Variants in DNAH11 observed in about 807,000 individuals in gnomAD.
DNAH11 encodes the protein axonemal beta dynein heavy chain 11.
Under a neutral mutation model 526.0 loss-of-function variants are expected in DNAH11, and 442 were observed. That is an observed-to-expected ratio of 0.84 (90% confidence interval 0.78 to 0.91). The LOEUF is 0.91. Among genes scored for constraint, DNAH11 ranks in the 40% least tolerant of loss-of-function variants. The probability of loss-of-function intolerance (pLI) is 0.00; values close to 1 mark genes in which losing one functional copy is unlikely to be tolerated. For synonymous variants in DNAH11, 2,461 were observed against 1,935.9 expected (o/e 1.27, Z -7.12); for missense variants, 6,989 against 5,448.7 (o/e 1.28, Z -8.90).
At chr7:21,739,398 GT>G (rs1366546876) in intron 47 of DNAH11, among the ~76,000 whole-genome samples, 172 bp from the exon 48 acceptor site, 1 of 152,160 alleles carries the variant, frequency 6.6e-6, no homozygotes, top group African/African-American at 2.4e-5. Context: ...GTCAACTTCA[GT>G]TTTTTGAGCT....
intron 61 of DNAH11, among the ~76,000 whole-genome samples, chr7:21,796,592 A>G (rs188103465): frequency 7.9e-5 from 12 of 152,352 alleles, no homozygotes; most frequent in African/African-American, 2.2e-4. Flanking sequence ...AGAGATTGTT[A>G]TCATGGCGGC....
At chr7:21,693,915 C>T (rs1387395773) in intron 35 of DNAH11, among the ~76,000 whole-genome samples, 2 of 152,296 alleles carry the variant, frequency 1.3e-5, no homozygotes, top group Non-Finnish European at 2.9e-5. Flanking sequence ...TAAGGGGAAG[C>T]AAGCATGTCT....
At chr7:21,770,539 C>T (rs1422399723) in intron 55 of DNAH11, among the ~76,000 whole-genome samples, 2 of 152,198 alleles carry the variant, frequency 1.3e-5, no homozygotes, top group African/African-American at 4.8e-5. Flanking sequence ...CACCTCTCAT[C>T]ACCAGCCTCA....
At chr7:21,703,585 C>T (rs1194408950) in intron 37 of DNAH11, 1 of 152,090 alleles carries the variant, frequency 6.6e-6, no homozygotes, top group African/African-American at 2.4e-5. Flanking sequence ...ACTTTTAAAC[C>T]ATCGGATCTC....
At chr7:21,679,199 C>T (rs976828684) in intron 30 of DNAH11, among the ~76,000 whole-genome samples, 1 of 151,686 alleles carries the variant, frequency 6.6e-6, no homozygotes, top group Non-Finnish European at 1.5e-5. Flanking sequence ...AAAAGTCTAA[C>T]ACATAGTAAC....
chr7:21,588,086 T>A lies in DNAH11; in HGVS notation c.1733T>A (p.Phe578Tyr), dbSNP rs760013375. The stretch of plus-strand genomic sequence containing the variant: ...TAGCTTTTGACCATATTTGGAAATT[T>A]TCTAGAGAAGCCAGTTGTCATGGAA... ...AFKLLTIFGN[F>Y]LEKPVVMEIF... Residue 578 changes from phenylalanine to tyrosine, a missense_variant, in exon 10 of 82, where the codon TTT (phenylalanine) becomes TAT (tyrosine). Phe to Tyr is a conservative substitution (Grantham distance 22). Coordinates refer to ENST00000409508, the MANE Select transcript of DNAH11 (RefSeq NM_001277115.2). The A allele has an allele frequency of 6.2e-7, 1 of 1,613,204 alleles. No individual in the cohort carries two copies. Among genetic ancestry groups the A allele is most frequent in the East Asian group, 2.2e-5 (1 of 44,828 alleles).
intron 30 of DNAH11, among the ~76,000 whole-genome samples, chr7:21,664,097 C>G (rs1782336322): frequency 6.8e-6 from 1 of 147,140 alleles, no homozygotes; most frequent in Non-Finnish European, 1.5e-5. Context: ...CCCAATTCAT[C>G]AGTTTAATTT....
intron 54 of DNAH11, among the ~76,000 whole-genome samples, chr7:21,753,223 A>G (rs1562526802): frequency 6.6e-6 from 1 of 152,098 alleles, no homozygotes; most frequent in Non-Finnish European, 1.5e-5. Context: ...TGTTCCAGGC[A>G]GGGGGAAGGA....
At position 21,892,528 on chromosome 7, in the gene DNAH11, C is replaced by T. The variant is rs1047565702; in HGVS notation, c.12611C>T (p.Pro4204Leu). Residue 4204 changes from proline (P) to leucine (L), a missense_variant, in exon 77 of 82, where the codon CCG becomes CTG. Transcript: ENST00000409508. ...GAGGAGATGCTTCCTCCAGAAAGCC[C>T]GGCACTGTATGGCCTCCACCCAAAT... is the stretch of plus-strand genomic sequence containing the variant. The part of the protein sequence containing the change: ...YIEEMLPPES[P>L]ALYGLHPNAE... 20 of 1,613,920 alleles carry T rather than the reference C, an allele frequency of 1.2e-5. No individual in the cohort carries two copies. The highest frequency in any genetic ancestry group is 1.7e-5 in the Admixed American group (1 of 60,024).
chr7:21,620,046 G>A lies in DNAH11; in HGVS notation c.4468G>A (p.Glu1490Lys), dbSNP rs1785969966. 5 of 1,602,690 alleles carry A rather than the reference G, an allele frequency of 3.1e-6. No homozygotes were observed. The highest frequency in any genetic ancestry group is 4.2e-6 in the Non-Finnish European group (5 of 1,176,518). ...AGGCATTCCATTACTAAAGTCTGATGAACAACTTTTTGAAACTCTAGAGCA... is the reference window on the plus strand; with the variant it reads ...AGGCATTCCATTACTAAAGTCTGATAAACAACTTTTTGAAACTCTAGAGCA... ...RTGIPLLKSD[E>K]QLFETLEHNQ... Residue 1490 changes from glutamate to lysine, a missense_variant, in exon 25 of 82, where the codon GAA (glutamate) becomes AAA (lysine). By Grantham distance (56) the Glu-to-Lys change is moderately conservative. Transcript: ENST00000409508.
chr7:21,620,070 C>T lies in DNAH11; in HGVS notation c.4492C>T (p.His1498Tyr). The T allele has an allele frequency of 6.3e-7, 1 of 1,585,870 alleles. No homozygotes were observed. Among genetic ancestry groups the T allele is most frequent in the African/African-American group, 1.4e-5 (1 of 73,400 alleles). The change falls in exon 25 of 82, where the codon CAC (histidine) becomes TAC (tyrosine). Residue 1498 changes from histidine (H) to tyrosine (Y), a missense_variant. By Grantham distance (83) the His-to-Tyr change is moderately conservative (BLOSUM62 2). Transcript: ENST00000409508. ...TGAACAACTTTTTGAAACTCTAGAG[C>T]ACAACCAAGTAAGATGGATATTTTT... ...SDEQLFETLE[H>Y]NQVQLQTLLQ...
intron 5 of DNAH11, among the ~76,000 whole-genome samples, chr7:21,563,589 G>A (rs1000120457): frequency 1.3e-5 from 2 of 152,162 alleles, no homozygotes; most frequent in African/African-American, 4.8e-5. Context: ...TTTAAAGTAT[G>A]TAATTCATTC....
chr7:21,551,629 G>A (rs560719629), intron 2 of DNAH11, among the ~76,000 whole-genome samples: 1 of 152,194 alleles, frequency 6.6e-6, no homozygotes, highest in African/African-American at 2.4e-5. Flanking sequence ...CACAAGAAGT[G>A]TTTATTCCCA....
intron 66 of DNAH11, among the ~76,000 whole-genome samples, chr7:21,843,472 G>C (rs1782293334): frequency 6.9e-6 from 1 of 145,934 alleles, no homozygotes; most frequent in Non-Finnish European, 1.5e-5. Flanking sequence ...GCTATGCTCA[G>C]GTTTTTTTTG....
intron 61 of DNAH11, among the ~76,000 whole-genome samples, chr7:21,793,223 A>G (rs1788551953): frequency 6.6e-6 from 1 of 152,220 alleles, no homozygotes; most frequent in African/African-American, 2.4e-5. Context: ...TTGTGATCAG[A>G]AAAGGTACTT....
At position 21,655,955 on chromosome 7, in the gene DNAH11, C is replaced by G. The variant is rs1254903583; in HGVS notation, c.5068C>G (p.Gln1690Glu). The G allele has an allele frequency of 6.2e-7, 1 of 1,607,186 alleles. No homozygotes were observed. The highest frequency in any genetic ancestry group is 2.2e-5 in the East Asian group (1 of 44,686). Residue 1690 changes from glutamine to glutamate, a missense_variant, in exon 29 of 82, where the codon CAA becomes GAA. Coordinates refer to ENST00000409508, the MANE Select transcript of DNAH11 (RefSeq NM_001277115.2). ...YSKEKEYVPF[Q>E]AECECVGHVE... is the part of the protein sequence containing the mutation. ...CAAAGAAAAGGAGTATGTCCCATTC[C>G]AAGCCGAGTGTGAATGTGTGGGCCA...
intron 8 of DNAH11, among the ~76,000 whole-genome samples, chr7:21,575,831 A>C (rs904793754): frequency 6.6e-6 from 1 of 152,188 alleles, no homozygotes; most frequent in Non-Finnish European, 1.5e-5. Context: ...CCTTGCTTTT[A>C]TCCCTTACTA....
rs767822847 is a variant in DNAH11 at position 21,599,808 on chromosome 7, G to A, written c.2689G>A (p.Ala897Thr). Residue 897 changes from alanine to threonine, a missense_variant, in exon 15 of 82, where the codon GCC (alanine) becomes ACC (threonine). By Grantham distance (58) the Ala-to-Thr change is moderately conservative. Coordinates refer to ENST00000409508, the MANE Select transcript of DNAH11 (RefSeq NM_001277115.2). ...LVEENRKLFK[A>T]NPSLDTWKIY... ...CTAGGAAAATAGGAAGCTCTTCAAA[G>A]CCAATCCCTCTCTGGATACCTGGAA... 6 of 1,578,862 alleles carry A rather than the reference G, an allele frequency of 3.8e-6. No homozygotes were observed. In the Admixed American group the frequency reaches 7.0e-5, roughly 18 times the overall value.
intron 43 of DNAH11, among the ~76,000 whole-genome samples, 178 bp downstream of exon 43, chr7:21,718,103 C>G (rs1014345914): frequency 1.4e-5 from 2 of 146,368 alleles, no homozygotes; most frequent in Non-Finnish European, 3.0e-5. Flanking sequence ...TTTTTGCAAA[C>G]CTCTATCACA....
Sources: gnomAD v4.1 joint callset for allele counts (sites outside exome capture counted in the v4.1 genomes callset) on GRCh38, gnomAD v4.1.1 for gene constraint, MANE v1.5 for transcripts, NCBI Gene and HGNC (gene_info 2026-07-23, HGNC 2026-07-21) for gene names.